Variants in PARD3 observed in about 807,000 individuals in gnomAD.
PARD3 encodes partitioning defective 3 homolog.
A neutral mutation model predicts 155.4 loss-of-function variants in PARD3; 75 were observed. That is an observed-to-expected ratio of 0.48 (90% CI 0.40 to 0.58). The LOEUF (loss-of-function observed/expected upper bound fraction) is 0.58, where lower values mean the gene tolerates loss of function less well. Among genes scored for constraint, PARD3 ranks in the 20% least tolerant of loss-of-function variants. The pLI is 0.00. For synonymous variants in PARD3, 576 were observed against 610.5 expected, an observed-to-expected ratio of 0.94 and a Z score of 0.83; for missense variants, 1,642 against 1,721.7, an observed-to-expected ratio of 0.95 and a Z score of 0.82.
chr10:34,489,063 C>T (rs986460711), intron 3 of PARD3, among the ~76,000 whole-genome samples: 2 of 152,118 alleles, frequency 1.3e-5, no homozygotes, highest in Non-Finnish European at 2.9e-5. Context: ...TACAGCTGGG[C>T]GCAATGGTTC....
At chr10:34,271,226 A>G (rs1470299406) in intron 21 of PARD3, among the ~76,000 whole-genome samples, 1 of 152,196 alleles carries the variant, frequency 6.6e-6, no homozygotes, top group Non-Finnish European at 1.5e-5. Context: ...AGATAAAGAC[A>G]GCAGCAAAGA....
intron 1 of PARD3, among the ~76,000 whole-genome samples, chr10:34,760,112 TCTCC>T (rs1400664859): frequency 3.3e-5 from 5 of 152,128 alleles, no homozygotes; most frequent in South Asian, 2.1e-4. Context: ...TCTAAAATGA[TCTCC>T]CTATCTTCTG....
At chr10:34,167,688 A>C (rs1290171933) in intron 22 of PARD3, among the ~76,000 whole-genome samples, 3 of 152,188 alleles carry the variant, frequency 2.0e-5, no homozygotes, top group African/African-American at 7.2e-5. Context: ...GTTTTGCTTA[A>C]GGGTAGTTTT....
intron 1 of PARD3, among the ~76,000 whole-genome samples, chr10:34,764,236 G>T (rs2134039539): frequency 6.6e-6 from 1 of 152,276 alleles, no homozygotes; most frequent in Admixed American, 6.5e-5. Context: ...GGGCAACCTA[G>T]GATTTCTTTG....
chr10:34,224,996 A>C (rs1952513154), intron 22 of PARD3, among the ~76,000 whole-genome samples: 1 of 152,210 alleles, frequency 6.6e-6, no homozygotes, highest in African/African-American at 2.4e-5. Context: ...TGACTGTTTT[A>C]AATTTTGAAA....
intron 1 of PARD3, among the ~76,000 whole-genome samples, chr10:34,797,830 T>C (rs1007013514): frequency 6.6e-6 from 1 of 152,208 alleles, no homozygotes; most frequent in African/African-American, 2.4e-5. Flanking sequence ...GCTATTAGAC[T>C]AGACATCATT....
intron 3 of PARD3, among the ~76,000 whole-genome samples, chr10:34,497,223 G>A (rs1186398627): frequency 6.6e-6 from 1 of 151,924 alleles, no homozygotes; most frequent in Admixed American, 6.6e-5. Flanking sequence ...TCAACAGATT[G>A]AAAATACTTG....
In PARD3 at chr10:34,645,835, G is replaced by T. The variant is rs762228479; in HGVS notation, c.222+50483C>A. ...GATTTTTAGAGCAAATTATTAAAAC[G>T]TGTTACTATATCTGACATGTTCTAA... On this transcript the variant is annotated intron_variant, in intron 2 of 24. Transcript: ENST00000374788. 3.9e-4 allele frequency among the ~76,000 whole-genome samples: 60 copies of T among 152,156 alleles called. 1 individual carries two copies. Among genetic ancestry groups the T allele is most frequent in the Non-Finnish European group, 3.4e-4 (23 of 68,026 alleles).
intron 1 of PARD3, among the ~76,000 whole-genome samples, chr10:34,773,992 C>CT (rs1839227697): frequency 6.6e-6 from 1 of 152,136 alleles, no homozygotes; most frequent in South Asian, 2.1e-4. Flanking sequence ...ATGTGCTTTA[C>CT]TTTAAGCCAG....
intron 2 of PARD3, among the ~76,000 whole-genome samples, chr10:34,655,794 G>A (rs570936813): frequency 1.8e-4 from 28 of 152,104 alleles, no homozygotes; most frequent in Non-Finnish European, 2.9e-4. Context: ...AAAAGTAACT[G>A]GAGACCAGGA....
chr10:34,253,048 C>A (rs1408564292), intron 22 of PARD3, among the ~76,000 whole-genome samples: 1 of 152,170 alleles, frequency 6.6e-6, no homozygotes, highest in South Asian at 2.1e-4. Flanking sequence ...TATTAAAAAA[C>A]CAAGACAATT....
At chr10:34,259,597 G>A (rs1157365419) in intron 22 of PARD3, among the ~76,000 whole-genome samples, 1 of 152,190 alleles carries the variant, frequency 6.6e-6, no homozygotes, top group East Asian at 1.9e-4. Flanking sequence ...TTCACCTGGT[G>A]AGATAACATT....
chr10:34,765,242 A>C (rs1837935792), intron 1 of PARD3, among the ~76,000 whole-genome samples: 1 of 152,204 alleles, frequency 6.6e-6, no homozygotes, highest in Non-Finnish European at 1.5e-5. Context: ...AGATGTCCAA[A>C]AACCCATACT....
chr10:34,714,056 A>G (rs2094484383), intron 1 of PARD3, among the ~76,000 whole-genome samples: 1 of 152,220 alleles, frequency 6.6e-6, no homozygotes, highest in Non-Finnish European at 1.5e-5. Flanking sequence ...CTAGCAAACA[A>G]GAGATGTTGA....
chr10:34,413,180 C>CACACACACACACACACACACACACAT (rs775445941), intron 5 of PARD3, among the ~76,000 whole-genome samples: 29 of 145,258 alleles, frequency 2.0e-4, no homozygotes, highest in African/African-American at 6.8e-4. Flanking sequence ...CACACACACA[C>CACACACACACACACACACACACACAT]ATATATATAA....
intron 3 of PARD3, among the ~76,000 whole-genome samples, chr10:34,491,789 C>T (rs1295570386): frequency 2.6e-5 from 4 of 152,148 alleles, no homozygotes; most frequent in Admixed American, 6.5e-5. Flanking sequence ...AGCACTTTTA[C>T]AACTCTAAAG....
At chr10:34,390,084 T>A (rs1417752154) in intron 7 of PARD3, among the ~76,000 whole-genome samples, 2 of 152,220 alleles carry the variant, frequency 1.3e-5, no homozygotes, top group Non-Finnish European at 2.9e-5. Flanking sequence ...GACTATTGAT[T>A]CAGCAAATAA....
intron 5 of PARD3, among the ~76,000 whole-genome samples, chr10:34,426,223 T>C (rs1196749535): frequency 1.3e-5 from 2 of 152,220 alleles, no homozygotes; most frequent in Non-Finnish European, 1.5e-5. Context: ...TTCTTACCTT[T>C]AAATGGCAAT....
intron 5 of PARD3, among the ~76,000 whole-genome samples, chr10:34,448,386 G>C (rs879491373): frequency 1.3e-5 from 2 of 150,920 alleles, no homozygotes; most frequent in South Asian, 2.1e-4. Context: ...ACAGGGAGTT[G>C]GGTGTGGAAA....
Sources: allele counts gnomAD v4.1 joint callset (sites outside exome capture counted in the v4.1 genomes callset), GRCh38; gene constraint gnomAD v4.1.1; transcripts MANE v1.5; gene names NCBI Gene and HGNC (gene_info 2026-07-23, HGNC 2026-07-21).